Variants in STXBP5L observed in about 807,000 individuals in gnomAD.
The protein encoded by STXBP5L is syntaxin-binding protein 5-like.
Under a neutral mutation model 144.5 loss-of-function variants are expected in STXBP5L, and 65 were observed. The observed-to-expected ratio is 0.45, with a 90% CI of 0.37 to 0.55. STXBP5L has a LOEUF of 0.55. Ranked by LOEUF, STXBP5L falls within the 20% of genes least tolerant of loss-of-function variation. STXBP5L has a pLI of 0.00. For synonymous variants in STXBP5L, 505 were observed against 469.6 expected, an observed-to-expected ratio of 1.08 and a Z score of -0.97; for missense variants, 1,298 against 1,405.5, an observed-to-expected ratio of 0.92 and a Z score of 1.22.
At chr3:121,041,814 C>T (rs947046806) in intron 4 of STXBP5L, 33 bp downstream of exon 4, 23 of 1,343,554 alleles carry the variant, frequency 1.7e-5, no homozygotes, top group African/African-American at 1.3e-4. Flanking sequence ...TTAAATCACA[C>T]ACTCCCCCAC....
intron 19 of STXBP5L, among the ~76,000 whole-genome samples, chr3:121,309,222 T>A (rs73855368): frequency 0.026 from 4,000 of 152,080 alleles, 157 homozygotes; most frequent in African/African-American, 0.083. Flanking sequence ...GACTTTTTTT[T>A]AAAAAATCAA....
intron 9 of STXBP5L, among the ~76,000 whole-genome samples, chr3:121,187,222 T>TA (rs2047423791): frequency 6.6e-6 from 1 of 152,002 alleles, no homozygotes; most frequent in Non-Finnish European, 1.5e-5. Flanking sequence ...TATGCAGCCA[T>TA]AAAAAATGAT....
intron 2 of STXBP5L, among the ~76,000 whole-genome samples, chr3:120,928,955 G>A (rs1423311238): frequency 2.0e-5 from 3 of 152,132 alleles, no homozygotes; most frequent in Non-Finnish European, 2.9e-5. Flanking sequence ...ACCATCGTTT[G>A]TATTTGGCAG....
intron 9 of STXBP5L, among the ~76,000 whole-genome samples, chr3:121,192,900 A>G (rs2047756318): frequency 6.6e-6 from 1 of 152,166 alleles, no homozygotes; most frequent in African/African-American, 2.4e-5. Flanking sequence ...ATCATTCAGG[A>G]CATAGGCATG....
chr3:121,378,563 T>G (rs1489147563), intron 20 of STXBP5L, among the ~76,000 whole-genome samples, 153 bp from the exon 21 acceptor site: 1 of 152,224 alleles, frequency 6.6e-6, no homozygotes, highest in African/African-American at 2.4e-5. Flanking sequence ...AAATTATGAC[T>G]AAGTCTTAAA....
chr3:121,185,186 T>G (rs1437932223), intron 9 of STXBP5L, among the ~76,000 whole-genome samples: 2 of 152,162 alleles, frequency 1.3e-5, no homozygotes, highest in Non-Finnish European at 2.9e-5. Context: ...ATTCTACAAT[T>G]GTAGATATTA....
intron 9 of STXBP5L, among the ~76,000 whole-genome samples, chr3:121,173,697 A>AT (rs1477711892): frequency 1.3e-5 from 2 of 152,138 alleles, no homozygotes; most frequent in Non-Finnish European, 2.9e-5. Flanking sequence ...GGAAGAGAAA[A>AT]TACATTTAGA....
intron 5 of STXBP5L, among the ~76,000 whole-genome samples, chr3:121,073,706 T>G (rs2041902064): frequency 6.6e-6 from 1 of 152,110 alleles, no homozygotes; most frequent in South Asian, 2.1e-4. Context: ...GAGGGATTCT[T>G]CCCCCCTGCC....
intron 19 of STXBP5L, among the ~76,000 whole-genome samples, chr3:121,283,471 T>C (rs2051128110): frequency 6.6e-6 from 1 of 152,052 alleles, no homozygotes; most frequent in South Asian, 2.1e-4. Flanking sequence ...TATTGGTATC[T>C]ATGTTGGCTT....
intron 3 of STXBP5L, among the ~76,000 whole-genome samples, chr3:120,995,406 C>G (rs1943260948): frequency 6.6e-6 from 1 of 152,128 alleles, no homozygotes; most frequent in African/African-American, 2.4e-5. Flanking sequence ...CCTTGGCCTC[C>G]CAAATATCTA....
chr3:121,089,115 A>AT (rs2042646216), intron 5 of STXBP5L, among the ~76,000 whole-genome samples: 1 of 113,140 alleles, frequency 8.8e-6, no homozygotes, highest in Non-Finnish European at 1.8e-5. Context: ...AAAAAAAAAA[A>AT]AAAGAAGCTC....
At chr3:121,003,660 T>A (rs540472706) in intron 3 of STXBP5L, among the ~76,000 whole-genome samples, 2 of 152,342 alleles carry the variant, frequency 1.3e-5, no homozygotes, top group East Asian at 3.9e-4. Flanking sequence ...TGCCTAGGTT[T>A]TCTTCTAGGG....
Position 121,293,211 on chromosome 3 carries a change from G to GA in STXBP5L, c.2110+13263dup, listed in dbSNP as rs1179502628. Among the ~76,000 whole-genome samples, 4 of 151,632 alleles carry GA rather than the reference G, an allele frequency of 2.6e-5. No homozygotes were observed. In the South Asian group the frequency reaches 8.3e-4, roughly 32 times the overall value. The stretch of plus-strand genomic sequence containing the variant: ...AATTGTAGTGAGTAAAAATAATCAG[G>GA]AAAAAAAAGGACACATTACTGTATG... On this transcript the variant is annotated intron_variant, in intron 19 of 26. Coordinates refer to ENST00000471454, the MANE Select transcript of STXBP5L (RefSeq NM_001308330.2).
At chr3:121,067,457 A>G (rs2041602129) in intron 5 of STXBP5L, among the ~76,000 whole-genome samples, 1 of 152,164 alleles carries the variant, frequency 6.6e-6, no homozygotes, top group African/African-American at 2.4e-5. Context: ...TTGTTAGTAA[A>G]AAATAAAATG....
intron 9 of STXBP5L, among the ~76,000 whole-genome samples, chr3:121,180,099 T>A (rs1055722448): frequency 3.9e-5 from 6 of 152,204 alleles, no homozygotes; most frequent in Admixed American, 1.3e-4. Context: ...CCTGGGAAAT[T>A]CATCACAAAA....
At chr3:121,122,176 A>G (rs2044496959) in intron 7 of STXBP5L, among the ~76,000 whole-genome samples, 1 of 150,778 alleles carries the variant, frequency 6.6e-6, no homozygotes, top group South Asian at 2.1e-4. Flanking sequence ...TTTGCCTTTG[A>G]TGGTGAGGAA....
chr3:121,211,105 G>A (rs529007279), intron 10 of STXBP5L, among the ~76,000 whole-genome samples: 1 of 152,128 alleles, frequency 6.6e-6, no homozygotes, highest in South Asian at 2.1e-4. Context: ...CTTTTATTTT[G>A]TTGAACAGTG....
chr3:121,028,612 G>A (rs1201748695), intron 3 of STXBP5L, among the ~76,000 whole-genome samples: 2 of 151,894 alleles, frequency 1.3e-5, no homozygotes, highest in Non-Finnish European at 2.9e-5. Context: ...TTTACAGTCA[G>A]TTTTCAAAAA....
chr3:121,365,240 T>C (rs12489855), intron 20 of STXBP5L, among the ~76,000 whole-genome samples: 15,429 of 151,848 alleles, frequency 0.1, 1,196 homozygotes, highest in Admixed American at 0.2. Flanking sequence ...TTGTAGTGTC[T>C]TTCTCTAGCT....
Sources: gnomAD v4.1 joint callset for allele counts (sites outside exome capture counted in the v4.1 genomes callset) on GRCh38, gnomAD v4.1.1 for gene constraint, MANE v1.5 for transcripts, NCBI Gene and HGNC (gene_info 2026-07-23, HGNC 2026-07-21) for gene names.